The following CNOT10 variants were observed in gnomAD, a reference collection of about 807,000 sequenced individuals.
CNOT10 encodes CCR4-NOT transcription complex, subunit 10.
Under a neutral mutation model 94.6 loss-of-function variants are expected in CNOT10, and 30 were observed. The ratio of observed to expected loss-of-function variants is 0.32; its 90% CI spans 0.24 to 0.43. CNOT10 has a LOEUF of 0.43. CNOT10 is among the 20% of genes least tolerant of loss of function. CNOT10 has a pLI of 1.00. For synonymous variants in CNOT10, 289 were observed against 301.6 expected, an observed-to-expected ratio of 0.96 and a Z score of 0.43; for missense variants, 759 against 877.2, an observed-to-expected ratio of 0.87 and a Z score of 1.70.
Position 32,725,570 on chromosome 3 carries a change from C to T in CNOT10, c.983C>T (p.Ala328Val). 4 of 1,614,082 alleles carry T rather than the reference C, an allele frequency of 2.5e-6. No homozygotes were observed. The highest frequency in any genetic ancestry group is 2.2e-5 in the East Asian group (1 of 44,878). Residue 328 changes from alanine (A) to valine (V), a missense_variant, in exon 9 of 19, where the codon GCA (alanine) becomes GTA (valine). Physicochemically the swap from Ala to Val is moderately conservative, Grantham distance 64 (BLOSUM62 0). This residue lies in a region of CNOT10 where 682 missense variants were observed against 799.4 expected (regional missense o/e 0.85). Coordinates refer to ENST00000328834, the MANE Select transcript of CNOT10 (RefSeq NM_015442.3). ...KALQENDNVC[A>V]QLSAGSTDPG... is the part of the protein sequence containing the mutation. ...CTGCAAGAGAATGACAATGTCTGTG[C>T]ACAGCTCAGTGCAGGTAGCACTGAT...
intron 13 of CNOT10, among the ~76,000 whole-genome samples, chr3:32,754,757 G>C (rs1329027199): frequency 6.7e-6 from 1 of 149,390 alleles, no homozygotes; most frequent in Non-Finnish European, 1.5e-5. Flanking sequence ...CCTAATCTCA[G>C]GTGATCAGCC....
At position 32,762,768 on chromosome 3, in the gene CNOT10, T is replaced by C. The variant is rs1700506508; in HGVS notation, c.1745T>C (p.Ile582Thr). The C allele has an allele frequency of 6.3e-7, 1 of 1,592,140 alleles. No homozygotes were observed. Among genetic ancestry groups the C allele is most frequent in the Non-Finnish European group, 8.5e-7 (1 of 1,174,704 alleles). Reference sequence around the variant, plus strand: ...CATTTATATGCTGCAGAAGCCCTCATCTCTCTCGACAGAATATCTGATGCC... The same window carrying C: ...CATTTATATGCTGCAGAAGCCCTCACCTCTCTCGACAGAATATCTGATGCC... Reference protein sequence around the residue: ...LGHLYAAEALISLDRISDAIT... With the variant: ...LGHLYAAEALTSLDRISDAIT... Residue 582 changes from isoleucine (I) to threonine (T), a missense_variant, in exon 15 of 19, where the codon ATC becomes ACC. Transcript: ENST00000328834.
At chr3:32,718,625 G>A (rs2125544511) in intron 7 of CNOT10, among the ~76,000 whole-genome samples, 1 of 146,086 alleles carries the variant, frequency 6.8e-6, no homozygotes, top group East Asian at 2.0e-4. Flanking sequence ...CTGCCTTAAA[G>A]GAGACCACAG....
chr3:32,752,370 C>G (rs973660894), intron 13 of CNOT10, among the ~76,000 whole-genome samples: 3 of 152,110 alleles, frequency 2.0e-5, no homozygotes, highest in Non-Finnish European at 4.4e-5. Flanking sequence ...TCATTTAACC[C>G]CTGTGGGCTG....
chr3:32,703,636 A>G (rs1697476603), intron 1 of CNOT10, among the ~76,000 whole-genome samples: 1 of 152,210 alleles, frequency 6.6e-6, no homozygotes, highest in African/African-American at 2.4e-5. Context: ...CAAAGGAATG[A>G]TTGACTTCCT....
chr3:32,687,962 G>A lies in CNOT10; in HGVS notation c.22+2480G>A, dbSNP rs538340125. Among the ~76,000 whole-genome samples, 4 of 152,180 alleles carry A rather than the reference G, an allele frequency of 2.6e-5. No individual in the cohort carries two copies. The South Asian group carries it at 6.2e-4, about 24-fold the overall frequency. On this transcript the variant is annotated intron_variant, in intron 1 of 18. Transcript: ENST00000328834. ...CATGCTGCTTCCTCTCTGAGCTCAC[G>A]AGGTCAGGATATTTGTCACGGAGGG...
intron 18 of CNOT10, 57 bp downstream of exon 18, chr3:32,770,019 G>T (rs1700828334): frequency 7.1e-7 from 1 of 1,409,320 alleles, no homozygotes; most frequent in Non-Finnish European, 1.0e-6. Flanking sequence ...AGATTTTTTG[G>T]TTGGGAGACA....
intron 14 of CNOT10, 85 bp from the exon 15 acceptor site, chr3:32,762,648 T>C (rs1700501570): frequency 6.6e-6 from 9 of 1,370,964 alleles, no homozygotes; most frequent in Non-Finnish European, 9.0e-6. Context: ...CAATGTATAA[T>C]AACATAATAT....
intron 5 of CNOT10, 131 bp from the exon 6 acceptor site, chr3:32,716,094 A>G: frequency 2.0e-6 from 1 of 505,188 alleles, no homozygotes; most frequent in Non-Finnish European, 3.5e-6. Flanking sequence ...GGCATGAACC[A>G]CCATTTCCCA....
chr3:32,760,573 G>A (rs1049503480), intron 14 of CNOT10, among the ~76,000 whole-genome samples: 2 of 151,430 alleles, frequency 1.3e-5, no homozygotes, highest in Non-Finnish European at 2.9e-5. Flanking sequence ...CGGACGTTGC[G>A]GTGAGCCACG....
intron 14 of CNOT10, among the ~76,000 whole-genome samples, chr3:32,759,934 G>A (rs972314659): frequency 6.6e-6 from 1 of 152,168 alleles, no homozygotes; most frequent in Non-Finnish European, 1.5e-5. Context: ...TGTAATCCCA[G>A]CACTTTGGGA....
chr3:32,688,605 A>T (rs969369165), intron 1 of CNOT10, among the ~76,000 whole-genome samples: 5 of 151,928 alleles, frequency 3.3e-5, no homozygotes, highest in Non-Finnish European at 5.9e-5. Flanking sequence ...TCAAAAAAAA[A>T]AATAATACTC....
chr3:32,696,015 G>A (rs1402265427), intron 1 of CNOT10, among the ~76,000 whole-genome samples: 1 of 134,648 alleles, frequency 7.4e-6, no homozygotes, highest in Non-Finnish European at 1.6e-5. Flanking sequence ...GTGTGTGTGT[G>A]TATTTGAAAT....
chr3:32,753,035 A>G (rs1700032064), intron 13 of CNOT10: 1 of 496,242 alleles, frequency 2.0e-6, no homozygotes, highest in African/African-American at 2.0e-5. Flanking sequence ...AACAGAAACC[A>G]AATGATGCAT....
rs376096103 is a variant in CNOT10 at position 32,746,778 on chromosome 3, A to G, written c.1595+9288A>G. Among the ~76,000 whole-genome samples the G allele has an allele frequency of 2.8e-4, 42 of 147,882 alleles. No homozygotes were observed. In the East Asian group the frequency reaches 7.4e-3, roughly 26 times the overall value. Reference sequence around the variant, plus strand: ...TGTGTACCCAGGAGGCGGAGCTTGCAGTGAGCCAAGATTGCACCACTGCAC... The same window carrying G: ...TGTGTACCCAGGAGGCGGAGCTTGCGGTGAGCCAAGATTGCACCACTGCAC... On this transcript the variant is annotated intron_variant, in intron 13 of 18. Coordinates refer to ENST00000328834, the MANE Select transcript of CNOT10 (RefSeq NM_015442.3).
chr3:32,686,429 G>A (rs1165971241), intron 1 of CNOT10, among the ~76,000 whole-genome samples: 2 of 152,192 alleles, frequency 1.3e-5, no homozygotes, highest in South Asian at 2.1e-4. Flanking sequence ...AACTTCACTT[G>A]GAAATTAAGC....
chr3:32,765,034 A>C, intron 17 of CNOT10: 2 of 1,433,594 alleles, frequency 1.4e-6, no homozygotes, highest in Non-Finnish European at 9.2e-7. Flanking sequence ...TTTTAAAAAA[A>C]ATTTTTTTTT....
chr3:32,754,409 G>A lies in CNOT10; in HGVS notation c.1596-5049G>A, dbSNP rs563580427. The stretch of plus-strand genomic sequence containing the variant: ...GGAGAATGGCATGAACCTGGGAGGC[G>A]GAGCTTGCAGTGAGCCAAGATCGTG... On this transcript the variant is annotated intron_variant, in intron 13 of 18. Coordinates refer to ENST00000328834, the MANE Select transcript of CNOT10 (RefSeq NM_015442.3). Among the ~76,000 whole-genome samples, 8 of 139,542 alleles carry A rather than the reference G, an allele frequency of 5.7e-5. No homozygotes were observed. The South Asian group carries it at 7.1e-4, about 12-fold the overall frequency. 91.5% of individuals were successfully genotyped at this position (139,542 alleles called of 152,430 possible). A position where few individuals can be genotyped will look rare whatever the true frequency, so the allele number is the denominator to read the frequency against.
At chr3:32,746,008 C>T (rs1286558159) in intron 13 of CNOT10, among the ~76,000 whole-genome samples, 5 of 152,218 alleles carry the variant, frequency 3.3e-5, no homozygotes, top group Non-Finnish European at 7.3e-5. Flanking sequence ...AAACCAATTA[C>T]TAATGCACAA....
Sources: gnomAD v4.1 joint callset for allele counts (sites outside exome capture counted in the v4.1 genomes callset) on GRCh38, gnomAD v4.1.1 for gene constraint, gnomAD v4.1.1 regional missense constraint, MANE v1.5 for transcripts, NCBI Gene and HGNC (gene_info 2026-07-23, HGNC 2026-07-21) for gene names.